The following CNTNAP3B variants were observed in gnomAD, a reference collection of about 807,000 sequenced individuals.
CNTNAP3B encodes contactin-associated protein-like 3B.
CNTNAP3B carries 25 observed loss-of-function variants against 108.9 expected under a neutral mutation model. The observed-to-expected ratio is 0.23, with a 90% CI of 0.17 to 0.32. The LOEUF is 0.32. Ranked by LOEUF, CNTNAP3B falls within the 10% of genes least tolerant of loss-of-function variation. The probability of loss-of-function intolerance (pLI) is 1.00; values close to 1 mark genes in which losing one functional copy is unlikely to be tolerated. For missense variants in CNTNAP3B, 252 were observed against 1,210.4 expected, an observed-to-expected ratio of 0.21 and a Z score of 11.75; for synonymous variants, 103 against 473.4, an observed-to-expected ratio of 0.22 and a Z score of 10.16.
rs1050134397 is a variant in CNTNAP3B at position 42,095,989 on chromosome 9, C to A, written c.196+8640G>T. On this transcript the variant is annotated intron_variant, in intron 2 of 23. Transcript: ENST00000377561. ...TGCTCTCCACAACGTTTTGGTGACC[C>A]TTTCTCCTCCCTCTGCCAGACCTCA... Among the ~76,000 whole-genome samples the A allele has an allele frequency of 3.6e-5, 5 of 138,564 alleles. 1 individual carries two copies. Among genetic ancestry groups the A allele is most frequent in the African/African-American group, 5.7e-5 (2 of 34,784 alleles). 90.9% of individuals were successfully genotyped at this position (138,564 alleles called of 152,430 possible).
chr9:42,056,338 A>G (rs1192010774), intron 3 of CNTNAP3B, among the ~76,000 whole-genome samples: 1 of 137,222 alleles, frequency 7.3e-6, no homozygotes, highest in Admixed American at 7.3e-5. Flanking sequence ...TATTATTATT[A>G]TTATTATTAT....
intron 6 of CNTNAP3B, 112 bp downstream of exon 6, chr9:41,997,456 T>C (rs1825920524): frequency 7.3e-7 from 1 of 1,366,496 alleles, no homozygotes; most frequent in East Asian, 2.6e-5. Flanking sequence ...GGGACAGACA[T>C]ACCTATTACT....
intron 1 of CNTNAP3B, among the ~76,000 whole-genome samples, chr9:42,113,640 G>A (rs1184937957): frequency 7.1e-6 from 1 of 139,948 alleles, no homozygotes; most frequent in African/African-American, 2.8e-5. Flanking sequence ...GGGAATATAA[G>A]TGATAAAGAT....
In CNTNAP3B at chr9:42,090,860, C is replaced by G. The variant is rs1258731726; in HGVS notation, c.196+13769G>C. Among the ~76,000 whole-genome samples the G allele has an allele frequency of 4.1e-5, 4 of 96,878 alleles. 2 individuals carry two copies. Among genetic ancestry groups the G allele is most frequent in the African/African-American group, 1.6e-4 (4 of 25,384 alleles). The allele number at this position is 96,878 out of a possible 152,430, so 63.6% of individuals were successfully genotyped here. ...CTGAATACACACACACACACACACACACACACATACATTCAGCTTCAGGAA... is the reference window on the plus strand; with the variant it reads ...CTGAATACACACACACACACACACAGACACACATACATTCAGCTTCAGGAA... On this transcript the variant is annotated intron_variant, in intron 2 of 23. Coordinates refer to ENST00000377561, the MANE Select transcript of CNTNAP3B (RefSeq NM_001201380.3).
chr9:42,076,260 C>A (rs866772730), intron 3 of CNTNAP3B, among the ~76,000 whole-genome samples: 32 of 83,930 alleles, frequency 3.8e-4, no homozygotes, highest in East Asian at 3.9e-4. Context: ...ACTAAAAATA[C>A]AAAAAAAAAA....
chr9:42,111,079 T>A lies in CNTNAP3B; in HGVS notation c.86-6340A>T, dbSNP rs547319614. Among the ~76,000 whole-genome samples, 149 of 138,500 alleles carry A rather than the reference T, an allele frequency of 1.1e-3. 33 individuals are homozygous for A. Among genetic ancestry groups the A allele is most frequent in the African/African-American group, 3.9e-3 (135 of 34,880 alleles). 90.9% of individuals were successfully genotyped at this position (138,500 alleles called of 152,430 possible). On this transcript the variant is annotated intron_variant, in intron 1 of 23. Transcript: ENST00000377561. The stretch of plus-strand genomic sequence containing the variant: ...TCTGAAGGGGGCTCACCCTACCACC[T>A]GGGGCCAGCACAGGGACAAGCCTCA...
chr9:41,928,155 C>CA (rs1200970772), intron 15 of CNTNAP3B, among the ~76,000 whole-genome samples: 8 of 152,384 alleles, frequency 5.2e-5, no homozygotes, highest in Middle Eastern at 3.4e-3. Flanking sequence ...ACCCTACTTG[C>CA]AAGCTAACAA....
At chr9:41,943,814 G>A (rs1425681209) in intron 13 of CNTNAP3B, among the ~76,000 whole-genome samples, 217 of 152,220 alleles carry the variant, frequency 1.4e-3, no homozygotes, top group South Asian at 7.9e-3. Context: ...AGGAATCTCA[G>A]CAATCACCAA....
At position 42,026,656 on chromosome 9, in the gene CNTNAP3B, C is replaced by G. The variant is rs1029869601; in HGVS notation, c.391-13131G>C. 6.4e-5 allele frequency among the ~76,000 whole-genome samples: 7 copies of G among 109,832 alleles called. 1 individual carries two copies. Among genetic ancestry groups the G allele is most frequent in the Admixed American group, 2.8e-4 (3 of 10,828 alleles). 72.1% of individuals were successfully genotyped at this position (109,832 alleles called of 152,430 possible). A position where few individuals can be genotyped will look rare whatever the true frequency, so the allele number is the denominator to read the frequency against. ...AAAGCAGAATTTTCAGAAGTTTACCCATTCTAAACATAATAGAGTGAAATA... is the reference window on the plus strand; with the variant it reads ...AAAGCAGAATTTTCAGAAGTTTACCGATTCTAAACATAATAGAGTGAAATA... On this transcript the variant is annotated intron_variant, in intron 3 of 23. Transcript: ENST00000377561.
intron 2 of CNTNAP3B, among the ~76,000 whole-genome samples, chr9:42,084,353 G>T (rs1019583340): frequency 4.3e-5 from 5 of 115,252 alleles, no homozygotes; most frequent in Non-Finnish European, 7.3e-5. Flanking sequence ...GGAGAGGGCT[G>T]GAATGGAGTC....
intron 3 of CNTNAP3B, among the ~76,000 whole-genome samples, chr9:42,042,102 G>T (rs574750653): frequency 1.3e-4 from 18 of 142,302 alleles, no homozygotes; most frequent in African/African-American, 4.6e-4. Context: ...GGTGGGAGGA[G>T]GGATAGCATT....
At chr9:41,954,662 T>C (rs1564156783) in intron 12 of CNTNAP3B, among the ~76,000 whole-genome samples, 1 of 152,168 alleles carries the variant, frequency 6.6e-6, no homozygotes, top group African/African-American at 2.4e-5. Context: ...ATTGCTCTAT[T>C]TTTTTATTTT....
At chr9:41,966,602 C>T (rs1193259677) in intron 10 of CNTNAP3B, among the ~76,000 whole-genome samples, 1 of 152,272 alleles carries the variant, frequency 6.6e-6, no homozygotes, top group Non-Finnish European at 1.5e-5. Flanking sequence ...CCACTGGAAG[C>T]TCTGCCATGT....
chr9:41,958,276 G>A (rs1315189322), intron 12 of CNTNAP3B, among the ~76,000 whole-genome samples: 1 of 152,290 alleles, frequency 6.6e-6, no homozygotes, highest in Non-Finnish European at 1.5e-5. Context: ...CTGTTTTGTT[G>A]TTGTTGTTGT....
At chr9:41,926,890 A>T (rs2117984939) in intron 15 of CNTNAP3B, 1 of 152,544 alleles carries the variant, frequency 6.6e-6, no homozygotes, top group South Asian at 2.1e-4. Context: ...AGAGAAAATA[A>T]TCTAGAAAAT....
chr9:41,958,004 C>T (rs180723124), intron 12 of CNTNAP3B, among the ~76,000 whole-genome samples: 687 of 151,234 alleles, frequency 4.5e-3, no homozygotes, highest in African/African-American at 0.015. Context: ...CCTCGTGATC[C>T]GCCTGCCTCA....
intron 13 of CNTNAP3B, among the ~76,000 whole-genome samples, chr9:41,946,624 T>C (rs1340595561): frequency 2.0e-5 from 1 of 51,108 alleles, no homozygotes; most frequent in Non-Finnish European, 4.0e-5. Context: ...TCTATCAACA[T>C]TGGAGAAATA....
intron 1 of CNTNAP3B, among the ~76,000 whole-genome samples, chr9:42,124,379 T>C (rs999936071): frequency 3.6e-5 from 5 of 137,468 alleles, no homozygotes; most frequent in African/African-American, 5.8e-5. Flanking sequence ...AAGGCTATCA[T>C]AGTAAGCAAT....
chr9:41,977,057 TAC>T (rs1437839357), intron 9 of CNTNAP3B, among the ~76,000 whole-genome samples: 1 of 144,426 alleles, frequency 6.9e-6, no homozygotes, highest in African/African-American at 2.6e-5. Flanking sequence ...TAACAATATA[TAC>T]ATTCTTTTGA....
Sources: gnomAD v4.1 joint callset for allele counts (sites outside exome capture counted in the v4.1 genomes callset) on GRCh38, gnomAD v4.1.1 for gene constraint, MANE v1.5 for transcripts, NCBI Gene and HGNC (gene_info 2026-07-23, HGNC 2026-07-21) for gene names.